The following BRCA1 variants were observed in gnomAD, a reference collection of about 807,000 sequenced individuals.
BRCA1 encodes the protein BRCA1 DNA repair associated.
In BRCA1, 140 loss-of-function variants were observed where a neutral mutation model predicts 173.7. The observed-to-expected ratio is 0.81, with a 90% confidence interval of 0.70 to 0.93. The LOEUF is 0.93. BRCA1 is among the 40% of genes least tolerant of loss of function. The probability of loss-of-function intolerance (pLI) is 0.00; values close to 1 mark genes in which losing one functional copy is unlikely to be tolerated. For synonymous variants in BRCA1, 662 were observed against 756.0 expected (o/e 0.88, Z 2.04); for missense variants, 1,983 against 2,172.5 (o/e 0.91, Z 1.73).
At chr17:43,135,203 CCTT>C (rs1175575999) in intron 1 of BRCA1, among the ~76,000 whole-genome samples, 3 of 152,252 alleles carry the variant, frequency 2.0e-5, no homozygotes, top group African/African-American at 7.2e-5. Flanking sequence ...AGCCAGAAGG[CCTT>C]CTCTGGTGCA....
intron 1 of BRCA1, among the ~76,000 whole-genome samples, chr17:43,124,327 A>G (rs535501913): frequency 3.5e-4 from 54 of 152,326 alleles, no homozygotes; most frequent in African/African-American, 1.2e-3. Flanking sequence ...ATTTTTTCAC[A>G]TATTGCTGCC....
chr17:43,115,698 T>C (rs1234398532), intron 3 of BRCA1, 28 bp downstream of exon 3: 5 of 1,606,944 alleles, frequency 3.1e-6, no homozygotes, highest in Non-Finnish European at 4.3e-6. Context: ...AAGCTAATAA[T>C]GGAGCCACAT....
Position 43,044,758 on chromosome 17 carries a change from G to A in BRCA1, c.*920C>T, listed in dbSNP as rs2050798691. On this transcript the variant is annotated 3_prime_UTR_variant, in exon 23 of 23. Transcript: ENST00000357654. ...TTAGAACACATTCTTTAGAAATCTA[G>A]CAAATATATCTCAGACTTTTAGAAA... 2.0e-6 allele frequency: 1 copy of A among 492,278 alleles called. No homozygotes were observed. The allele number at this position is 492,278 out of a possible 1,614,324, so 30.5% of individuals were successfully genotyped here.
At position 43,094,029 on chromosome 17, in the gene BRCA1, T is replaced by G. The variant is rs113656989; in HGVS notation, c.1502A>C (p.Lys501Thr). ...QIIQERPLTN[K>T]LKRKRRPTSG... ...TGTAGGTCTCCTTTTACGCTTTAATTTATTTGTGAGGGGACGCTCTTGTAT... is the reference window on the plus strand; with the variant it reads ...TGTAGGTCTCCTTTTACGCTTTAATGTATTTGTGAGGGGACGCTCTTGTAT... The change falls in exon 10 of 23, where the codon AAA (lysine) becomes ACA (threonine). Residue 501 changes from lysine (K) to threonine (T), a missense_variant. By Grantham distance (78) the Lys-to-Thr change is moderately conservative (BLOSUM62 -1). Transcript: ENST00000357654. 2 of 1,614,036 alleles carry G rather than the reference T, an allele frequency of 1.2e-6. No individual in the cohort carries two copies. Among genetic ancestry groups the G allele is most frequent in the Non-Finnish European group, 1.7e-6 (2 of 1,179,980 alleles).
At chr17:43,100,423 C>T in intron 6 of BRCA1, among the ~76,000 whole-genome samples, 1 of 147,148 alleles carries the variant, frequency 6.8e-6, no homozygotes, top group African/African-American at 2.5e-5. Context: ...CTCACTGCAA[C>T]CTCCGCCTCC....
intron 18 of BRCA1, among the ~76,000 whole-genome samples, chr17:43,062,056 T>G (rs968427035): frequency 4.6e-5 from 7 of 152,146 alleles, no homozygotes; most frequent in African/African-American, 1.7e-4. Flanking sequence ...AACAGATACA[T>G]TTGCATGTAT....
rs1020406692 is a variant in BRCA1 at position 43,044,859 on chromosome 17, C to T, written c.*819G>A. 4 of 464,290 alleles carry T rather than the reference C, an allele frequency of 8.6e-6. No individual in the cohort carries two copies. The highest frequency in any genetic ancestry group is 1.6e-5 in the South Asian group (1 of 60,820). The allele number at this position is 464,290 out of a possible 1,614,324, so 28.8% of individuals were successfully genotyped here. A position where few individuals can be genotyped will look rare whatever the true frequency, so the allele number is the denominator to read the frequency against. ...CTCACTGTCACCCAGGCTGGAGTGC[C>T]GTGGTATGATCTTGGCTCACTGCAA... On this transcript the variant is annotated 3_prime_UTR_variant, in exon 23 of 23. Transcript: ENST00000357654.
At chr17:43,131,249 C>G in intron 1 of BRCA1, 1 of 367,662 alleles carries the variant, frequency 2.7e-6, no homozygotes, top group Non-Finnish European at 5.9e-6. Flanking sequence ...AAATAAAATA[C>G]CTGGATGAGG....
intron 1 of BRCA1, among the ~76,000 whole-genome samples, chr17:43,143,210 G>A (rs182332912): frequency 6.1e-4 from 92 of 151,728 alleles, no homozygotes; most frequent in African/African-American, 2.2e-3. Flanking sequence ...CAAAATGTTG[G>A]GATTACAGGC....
intron 1 of BRCA1, chr17:43,138,744 G>C: frequency 1.3e-6 from 1 of 779,160 alleles, no homozygotes; most frequent in East Asian, 2.4e-5. Context: ...TTTGGAATGT[G>C]GAAAGGAGGT....
At chr17:43,158,779 A>G (rs1361253624) in intron 1 of BRCA1, among the ~76,000 whole-genome samples, 1 of 152,238 alleles carries the variant, frequency 6.6e-6, no homozygotes, top group South Asian at 2.1e-4. Flanking sequence ...TGGAGTTTAC[A>G]TTCTGTGGGA....
intron 1 of BRCA1, among the ~76,000 whole-genome samples, chr17:43,155,965 C>T (rs1394818668): frequency 1.2e-4 from 18 of 152,202 alleles, no homozygotes; most frequent in African/African-American, 1.9e-4. Flanking sequence ...GGGCCAGGTG[C>T]GGTGGCTCAC....
At chr17:43,090,526 C>T (rs2053411148) in intron 11 of BRCA1, among the ~76,000 whole-genome samples, 2 of 152,160 alleles carry the variant, frequency 1.3e-5, no homozygotes, top group South Asian at 4.1e-4. Context: ...AGGCATTGGC[C>T]ACCACGCCCA....
chr17:43,063,784 T>C, intron 17 of BRCA1, 90 bp downstream of exon 17: 1 of 1,033,240 alleles, frequency 9.7e-7, no homozygotes, highest in East Asian at 2.5e-5. Flanking sequence ...AGACTCAGCA[T>C]CAGCAAAAAC....
At chr17:43,096,013 C>CTGTAATCGAAA in intron 8 of BRCA1, 91 bp from the exon 9 acceptor site, 2 of 1,064,238 alleles carry the variant, frequency 1.9e-6, no homozygotes, top group Non-Finnish European at 2.8e-6. Context: ...TTAGCTCTTT[C>CTGTAATCGAAA]GATTACAGAA....
At chr17:43,118,703 C>T (rs1307715879) in intron 2 of BRCA1, among the ~76,000 whole-genome samples, 1 of 151,754 alleles carries the variant, frequency 6.6e-6, no homozygotes, top group Non-Finnish European at 1.5e-5. Flanking sequence ...TCCCAAAGTG[C>T]TGGGATTACA....
At chr17:43,141,596 C>T (rs7210098) in intron 1 of BRCA1, among the ~76,000 whole-genome samples, 74,683 of 151,590 alleles carry the variant, frequency 0.49, 21,782 homozygotes, top group African/African-American at 0.83. Flanking sequence ...GGGCGGATCA[C>T]GAGGTCAGGA....
Position 43,093,273 on chromosome 17 carries a change from C to T in BRCA1, c.2258G>A (p.Ser753Asn), listed in dbSNP as rs878854939. ...TTCAGTTTGCAAAACCCTTTCTCCA[C>T]TTAACATGAGATCTTTGGGGTCTTC... ...NAEDPKDLML[S>N]GERVLQTERS... Residue 753 changes from serine (S) to asparagine (N), a missense_variant, in exon 10 of 23, where the codon AGT becomes AAT. Physicochemically the swap from Ser to Asn is conservative, Grantham distance 46. Coordinates refer to ENST00000357654, the MANE Select transcript of BRCA1 (RefSeq NM_007294.4). 3 of 1,614,098 alleles carry T rather than the reference C, an allele frequency of 1.9e-6. No homozygotes were observed. Among genetic ancestry groups the T allele is most frequent in the Admixed American group, 1.7e-5 (1 of 60,012 alleles).
intron 3 of BRCA1, chr17:43,110,545 A>G (rs1417571698): frequency 2.3e-6 from 1 of 443,602 alleles, no homozygotes; most frequent in Admixed American, 2.4e-5. Flanking sequence ...TCATGATCGC[A>G]CCACTGTACT....
Sources: allele counts gnomAD v4.1 joint callset (sites outside exome capture counted in the v4.1 genomes callset), GRCh38; gene constraint gnomAD v4.1.1; transcripts MANE v1.5; gene names NCBI Gene and HGNC (gene_info 2026-07-23, HGNC 2026-07-21).